Variants in PTHLH observed in about 807,000 individuals in gnomAD.
PTHLH encodes the protein parathyroid hormone-related protein.
PTHLH carries 5 observed loss-of-function variants against 18.6 expected under a neutral mutation model. The observed-to-expected ratio is 0.27, with a 90% confidence interval of 0.14 to 0.56. PTHLH has a LOEUF of 0.56. Among genes scored for constraint, PTHLH ranks in the 20% least tolerant of loss-of-function variants. PTHLH has a pLI of 0.92. For missense variants in PTHLH, 207 were observed against 223.9 expected (o/e 0.92, Z 0.48); for synonymous variants, 90 against 94.0 (o/e 0.96, Z 0.25).
intron 5 of PTHLH, chr12:27,962,799 C>G: frequency 2.1e-6 from 2 of 970,102 alleles, no homozygotes. Context: ...AATTTAAGTT[C>G]TTTACATTAA....
intron 4 of PTHLH, among the ~76,000 whole-genome samples, chr12:27,964,342 G>A (rs2062793120): frequency 6.6e-6 from 1 of 151,660 alleles, no homozygotes; most frequent in African/African-American, 2.4e-5. Flanking sequence ...AGCCGTAAGA[G>A]TAAAAACAAA....
intron 4 of PTHLH, among the ~76,000 whole-genome samples, chr12:27,965,986 G>A (rs947242864): frequency 1.6e-4 from 24 of 152,116 alleles, no homozygotes; most frequent in South Asian, 4.1e-4. Context: ...AGAAGCCCTC[G>A]TCTTCTGTAT....
At position 27,970,166 on chromosome 12, in the gene PTHLH, G is replaced by A. The variant is rs1591853348; in HGVS notation, c.-164C>T. On this transcript the variant is annotated 5_prime_UTR_variant, in exon 3 of 6. Transcript: ENST00000545234. ...TGGCAGCCGGAGCGGCAGGGAGGCG[G>A]CAGCCCCGCTTCACGGGCGGGGAGA... 1.9e-6 allele frequency: 1 copy of A among 516,778 alleles called. No homozygotes were observed. Among genetic ancestry groups the A allele is most frequent in the Non-Finnish European group, 3.9e-6 (1 of 259,136 alleles). 32.0% of individuals were successfully genotyped at this position (516,778 alleles called of 1,614,324 possible).
intron 2 of PTHLH, among the ~76,000 whole-genome samples, chr12:27,970,996 A>G (rs1320388222): frequency 6.6e-6 from 1 of 152,138 alleles, no homozygotes; most frequent in African/African-American, 2.4e-5. Context: ...GCTGGGAGAC[A>G]TCTGGAGCCG....
intron 5 of PTHLH, among the ~76,000 whole-genome samples, chr12:27,961,293 ATATATACG>A (rs1315246552): frequency 7.8e-5 from 1 of 12,776 alleles, no homozygotes; most frequent in African/African-American, 4.7e-4. Flanking sequence ...ATACGTATAT[ATATATACG>A]TATATATATA....
rs2062784726 is a variant in PTHLH at position 27,963,868 on chromosome 12, G to T, written c.102-98C>A. ...GTAAATCTCTTTAGTTTTCTAGTTGGTCCACCGTAAGACACAAGCTGGATG... is the reference window on the plus strand; with the variant it reads ...GTAAATCTCTTTAGTTTTCTAGTTGTTCCACCGTAAGACACAAGCTGGATG... On this transcript the variant is annotated intron_variant, in intron 4 of 5. Transcript: ENST00000545234. 7 of 1,284,610 alleles carry T rather than the reference G, an allele frequency of 5.4e-6. No individual in the cohort carries two copies. The South Asian group carries it at 7.8e-5, about 14-fold the overall frequency. 79.6% of individuals were successfully genotyped at this position (1,284,610 alleles called of 1,614,324 possible). A position where few individuals can be genotyped will look rare whatever the true frequency, so the allele number is the denominator to read the frequency against.
At chr12:27,965,314 GA>G (rs1367436776) in intron 4 of PTHLH, among the ~76,000 whole-genome samples, 4 of 152,188 alleles carry the variant, frequency 2.6e-5, no homozygotes, top group Admixed American at 6.5e-5. Context: ...TTCCTGTGTT[GA>G]GGCAACACGG....
rs1006708188 is a variant in PTHLH, at chr12:27,970,196, C to T, written c.-194G>A. 15 of 509,908 alleles carry T rather than the reference C, an allele frequency of 2.9e-5. No individual in the cohort carries two copies. The highest frequency in any genetic ancestry group is 5.5e-5 in the Non-Finnish European group (14 of 255,846). The allele number at this position is 509,908 out of a possible 1,614,324, so 31.6% of individuals were successfully genotyped here. A position where few individuals can be genotyped will look rare whatever the true frequency, so the allele number is the denominator to read the frequency against. ...CCCGCTTCACGGGCGGGGAGACATG[C>T]TGGCCGGGCGGCGCAGGTTGGAGGC... On this transcript the variant is annotated 5_prime_UTR_variant, in exon 3 of 6. Transcript: ENST00000545234.
In PTHLH at chr12:27,958,490, T is replaced by C. The variant is rs2062729442; in HGVS notation, c.*69A>G. ...AGTATTTACAGACAATAAATATTTCTAATACTTTCCATATGTTCACTATTA... is the reference window on the plus strand; with the variant it reads ...AGTATTTACAGACAATAAATATTTCCAATACTTTCCATATGTTCACTATTA... On this transcript the variant is annotated 3_prime_UTR_variant, in exon 6 of 6. Transcript: ENST00000545234. 3 of 1,420,878 alleles carry C rather than the reference T, an allele frequency of 2.1e-6. No homozygotes were observed. In the African/African-American group the frequency reaches 4.3e-5, roughly 21 times the overall value. The allele number at this position is 1,420,878 out of a possible 1,614,324, so 88.0% of individuals were successfully genotyped here. A position where few individuals can be genotyped will look rare whatever the true frequency, so the allele number is the denominator to read the frequency against.
At chr12:27,968,652 G>T (rs538859117) in intron 4 of PTHLH, among the ~76,000 whole-genome samples, 1 of 152,262 alleles carries the variant, frequency 6.6e-6, no homozygotes, top group Non-Finnish European at 1.5e-5. Flanking sequence ...CAAAGTTGAA[G>T]TTATCATTAA....
chr12:27,961,866 A>G, intron 5 of PTHLH: 2 of 667,336 alleles, frequency 3.0e-6, no homozygotes, highest in South Asian at 3.5e-5. Flanking sequence ...CTATAATCCT[A>G]TCTGTAGCAG....
chr12:27,961,356 TCCCCCTAG>T (rs2062759041), intron 5 of PTHLH, among the ~76,000 whole-genome samples: 2 of 141,200 alleles, frequency 1.4e-5, no homozygotes, highest in Non-Finnish European at 1.5e-5. Context: ...TAGAAACATA[TCCCCCTAG>T]ATAGATAGAT....
chr12:27,963,626 G>A lies in PTHLH; in HGVS notation c.246C>T (p.Ser82=). Residue 82 remains serine (S), a synonymous_variant, in exon 5 of 6, where the codon TCC becomes TCT. Coordinates refer to ENST00000545234, the MANE Select transcript of PTHLH (RefSeq NM_198965.2). ...IRATSEVSPN[S]KPSPNTKNHP... ...GGTTCTTTGTGTTGGGAGAGGGCTT[G>A]GAGTTAGGGGACACCTCCGAGGTAG... 2 of 1,614,112 alleles carry A rather than the reference G, an allele frequency of 1.2e-6. No individual in the cohort carries two copies. The highest frequency in any genetic ancestry group is 1.7e-6 in the Non-Finnish European group (2 of 1,180,028).
chr12:27,969,994 C>T (rs745561053), intron 3 of PTHLH, 31 bp downstream of exon 3: 2 of 519,080 alleles, frequency 3.9e-6, no homozygotes, highest in Admixed American at 3.9e-5. Context: ...TGTAGCGAAA[C>T]CCACATATAT....
At chr12:27,962,062 CAT>C (rs1241000844) in intron 5 of PTHLH, 2 of 605,942 alleles carry the variant, frequency 3.3e-6, no homozygotes, top group African/African-American at 3.8e-5. Flanking sequence ...GCAGGGCAAA[CAT>C]AGCACTGTCT....
chr12:27,962,734 G>A (rs2062772601), intron 5 of PTHLH: 2 of 981,046 alleles, frequency 2.0e-6, no homozygotes, highest in Admixed American at 6.1e-5. Flanking sequence ...GTATGAGCTG[G>A]TAGAAACCAG....
intron 5 of PTHLH, among the ~76,000 whole-genome samples, chr12:27,961,309 A>ATATACGTATATATATATG (rs375792350): frequency 1.3e-5 from 1 of 75,374 alleles, no homozygotes; most frequent in East Asian, 4.8e-4. Context: ...ACGTATATAT[A>ATATACGTATATATATATG]TATATATATA....
At chr12:27,968,138 T>A (rs1048025854) in intron 4 of PTHLH, among the ~76,000 whole-genome samples, 6 of 152,226 alleles carry the variant, frequency 3.9e-5, no homozygotes, top group African/African-American at 1.4e-4. Flanking sequence ...ATCGGTAAAA[T>A]GTTGATCTGA....
chr12:27,972,151 C>T (rs2062876550), intron 1 of PTHLH, 132 bp from the exon 2 acceptor site: 1 of 151,040 alleles, frequency 6.6e-6, no homozygotes, highest in African/African-American at 2.4e-5. Flanking sequence ...AGCCAAGTTT[C>T]AAACTATCCA....
Sources: gnomAD v4.1 joint callset for allele counts (sites outside exome capture counted in the v4.1 genomes callset) on GRCh38, gnomAD v4.1.1 for gene constraint, MANE v1.5 for transcripts, NCBI Gene and HGNC (gene_info 2026-07-23, HGNC 2026-07-21) for gene names.